Variants in ASB11 observed in about 807,000 individuals in gnomAD.
The protein encoded by ASB11 is ankyrin repeat and SOCS box containing 11.
A neutral mutation model predicts 20.1 loss-of-function variants in ASB11; 17 were observed. The ratio of observed to expected loss-of-function variants is 0.85; its 90% confidence interval spans 0.58 to 1.27. The LOEUF is 1.27. Among genes scored for constraint, ASB11 ranks in the 50% most tolerant of loss-of-function variants. ASB11 has a pLI of 0.00. For synonymous variants in ASB11, 107 were observed against 105.6 expected, an observed-to-expected ratio of 1.01 and a Z score of -0.08; for missense variants, 259 against 256.9, an observed-to-expected ratio of 1.01 and a Z score of -0.06.
intron 5 of ASB11, among the ~76,000 whole-genome samples, chrX:15,289,062 T>G (rs5935928): frequency 0.38 from 41,661 of 110,633 alleles, 5,649 homozygotes; most frequent in South Asian, 0.56. Context: ...TTCCCAAAGG[T>G]AAACCACCCT....
intron 1 of ASB11, among the ~76,000 whole-genome samples, chrX:15,312,433 A>AAAAC (rs1921463488): frequency 9.4e-6 from 1 of 106,268 alleles, no homozygotes; most frequent in Non-Finnish European, 1.9e-5. Flanking sequence ...AAAAAAAAAA[A>AAAAC]AAACAACTTT....
chrX:15,304,986 A>T (rs527238683), intron 1 of ASB11, among the ~76,000 whole-genome samples: 2 of 112,116 alleles, frequency 1.8e-5, no homozygotes, highest in South Asian at 7.4e-4. Context: ...CACTGATATA[A>T]ATGAATATAT....
At chrX:15,303,528 T>C (rs928911516) in intron 1 of ASB11, among the ~76,000 whole-genome samples, 1 of 111,568 alleles carries the variant, frequency 9.0e-6, no homozygotes, top group Admixed American at 9.6e-5. Context: ...TGAAGACATA[T>C]CTATTATACT....
intron 3 of ASB11, among the ~76,000 whole-genome samples, chrX:15,295,539 C>T (rs1005701715): frequency 3.6e-5 from 4 of 111,178 alleles, no homozygotes; most frequent in Admixed American, 1.9e-4. Flanking sequence ...TTCACCAGGC[C>T]TCTGAAACTA....
At chrX:15,286,579 C>T (rs1035866882) in intron 6 of ASB11, among the ~76,000 whole-genome samples, 2 of 104,045 alleles carry the variant, frequency 1.9e-5, no homozygotes, top group Admixed American at 1.1e-4. Flanking sequence ...GCAGAAAAAT[C>T]GCTTGAACCC....
At chrX:15,287,625 G>A (rs1927425188) in intron 6 of ASB11, among the ~76,000 whole-genome samples, 2 of 112,396 alleles carry the variant, frequency 1.8e-5, no homozygotes, top group South Asian at 7.3e-4. Context: ...ACGCCCAGCC[G>A]GTTTTCTGGT....
rs1317070514 is a variant in ASB11 at position 15,289,420 on chromosome X, A to G, written c.655+84T>C. Reference sequence around the variant, plus strand: ...TAAAATGCTAACCGAATATTTTTCAACCATGACAAGAACTTCATCTTTGAA... The same window carrying G: ...TAAAATGCTAACCGAATATTTTTCAGCCATGACAAGAACTTCATCTTTGAA... On this transcript the variant is annotated intron_variant, in intron 5 of 6. Coordinates refer to ENST00000480796, the MANE Select transcript of ASB11 (RefSeq NM_080873.3). 6 of 1,013,633 alleles carry G rather than the reference A, an allele frequency of 5.9e-6. No homozygotes were observed. In the African/African-American group the frequency reaches 7.7e-5, roughly 13 times the overall value. 83.5% of individuals were successfully genotyped at this position (1,013,633 alleles called of 1,213,427 possible).
intron 2 of ASB11, among the ~76,000 whole-genome samples, chrX:15,301,580 T>A (rs748543834): frequency 1.8e-5 from 2 of 110,984 alleles, no homozygotes; most frequent in South Asian, 7.7e-4. Context: ...CACCCAGTGG[T>A]TTAAATTCAA....
chrX:15,293,172 C>T lies in ASB11; in HGVS notation c.518G>A (p.Arg173Lys). Residue 173 changes from arginine to lysine, a missense_variant and splice_region_variant, in exon 4 of 7, where the codon AGA becomes AAA. Coordinates refer to ENST00000480796, the MANE Select transcript of ASB11 (RefSeq NM_080873.3). ...LASPIHEAVK[R>K]GHRECMEILL... The stretch of plus-strand genomic sequence containing the variant: ...ATGCATTGTGGTGGCTCATTTACCT[C>T]TCTTCACTGCCTCATGGATGGGCGA... The T allele has an allele frequency of 8.3e-7, 1 of 1,207,971 alleles. No individual in the cohort carries two copies.
At position 15,297,655 on chromosome X, in the gene ASB11, A is replaced by G; in HGVS notation, c.288T>C (p.Ile96=). The change falls in exon 3 of 7, where the codon ATT becomes ATC. Residue 96 remains isoleucine (I), a synonymous_variant. Transcript: ENST00000480796. ...AQGVNVNLVT[I]NRVSSLHEAC... ...CCTCGTGGAGAGAAGACACCCGGTT[A>G]ATTGTCACAAGGTTCACATTGACAC... 1 of 1,210,228 alleles carries G rather than the reference A, an allele frequency of 8.3e-7. No homozygotes were observed. The highest frequency in any genetic ancestry group is 1.1e-6 in the Non-Finnish European group (1 of 894,255).
At chrX:15,284,251 C>CAAA (rs60542067) in intron 6 of ASB11, among the ~76,000 whole-genome samples, 13 of 72,295 alleles carry the variant, frequency 1.8e-4, no homozygotes, top group African/African-American at 5.8e-4. Flanking sequence ...GACTCCGCCT[C>CAAA]AAAAAAAAAA....
intron 6 of ASB11, among the ~76,000 whole-genome samples, chrX:15,284,170 T>G (rs774825686): frequency 2.0e-5 from 2 of 100,565 alleles, no homozygotes; most frequent in African/African-American, 7.7e-5. Context: ...GAGAATGGCG[T>G]GAACCCGGGA....
At chrX:15,285,940 G>T (rs1488971701) in intron 6 of ASB11, among the ~76,000 whole-genome samples, 1 of 110,993 alleles carries the variant, frequency 9.0e-6, no homozygotes, top group African/African-American at 3.3e-5. Flanking sequence ...GGGAGGCGGA[G>T]GTTGCAGTGA....
At chrX:15,302,862 G>A in intron 1 of ASB11, 55 bp from the exon 2 acceptor site, 1 of 1,056,781 alleles carries the variant, frequency 9.5e-7, no homozygotes, top group Non-Finnish European at 1.3e-6. Context: ...CCTGTAACTT[G>A]TCCATGCTGC....
At chrX:15,284,094 T>TACAAAA (rs1339983302) in intron 6 of ASB11, among the ~76,000 whole-genome samples, 1 of 105,249 alleles carries the variant, frequency 9.5e-6, no homozygotes, top group Non-Finnish European at 1.9e-5. Context: ...CCACTAAAAA[T>TACAAAA]ACAAAAAATT....
Position 15,284,952 on chromosome X carries a change from G to T in ASB11, c.848-1323C>A, listed in dbSNP as rs7062793. Among the ~76,000 whole-genome samples the T allele has an allele frequency of 7.2e-3, 799 of 111,281 alleles. 7 individuals are homozygous for T. Among genetic ancestry groups the T allele is most frequent in the African/African-American group, 0.025 (754 of 30,605 alleles). The stretch of plus-strand genomic sequence containing the variant: ...CTTCACATTGCCAAGGAGCATCCAT[G>T]AGATAGAAAGCTACCTGGAGGACCA... On this transcript the variant is annotated intron_variant, in intron 6 of 6. Coordinates refer to ENST00000480796, the MANE Select transcript of ASB11 (RefSeq NM_080873.3).
At chrX:15,289,699 T>C in intron 4 of ASB11, 61 bp from the exon 5 acceptor site, 6 of 1,130,521 alleles carry the variant, frequency 5.3e-6, no homozygotes, top group Non-Finnish European at 7.2e-6. Context: ...AACAGAATTA[T>C]AGGATTGCTT....
At chrX:15,295,761 C>T (rs1284082154) in intron 3 of ASB11, among the ~76,000 whole-genome samples, 1 of 112,418 alleles carries the variant, frequency 8.9e-6, no homozygotes, top group East Asian at 2.8e-4. Context: ...TTGACAAAGA[C>T]AAGGAAACAT....
chrX:15,295,503 G>C (rs992479214), intron 3 of ASB11, among the ~76,000 whole-genome samples: 1 of 111,866 alleles, frequency 8.9e-6, no homozygotes, highest in Non-Finnish European at 1.9e-5. Context: ...CAGGTTTGCA[G>C]CTTGGGAAAC....
Sources: gnomAD v4.1 joint callset for allele counts (sites outside exome capture counted in the v4.1 genomes callset) on GRCh38, gnomAD v4.1.1 for gene constraint, MANE v1.5 for transcripts, NCBI Gene and HGNC (gene_info 2026-07-23, HGNC 2026-07-21) for gene names.